Variants in SNX8 observed in about 807,000 individuals in gnomAD.
SNX8 encodes the protein sorting nexin-8.
Under a neutral mutation model 51.6 loss-of-function variants are expected in SNX8, and 25 were observed. That is an observed-to-expected ratio of 0.48 (90% CI 0.35 to 0.68). SNX8 has a LOEUF of 0.68. Among genes scored for constraint, SNX8 ranks in the 30% least tolerant of loss-of-function variants. SNX8 has a pLI of 0.00. For synonymous variants in SNX8, 324 were observed against 277.0 expected (o/e 1.17, Z -1.68); for missense variants, 695 against 624.0 (o/e 1.11, Z -1.21).
At chr7:2,263,745 G>A (rs1042645459) in intron 6 of SNX8, among the ~76,000 whole-genome samples, 6 of 151,598 alleles carry the variant, frequency 4.0e-5, no homozygotes, top group Non-Finnish European at 7.4e-5. Context: ...ACGGAGTCTC[G>A]CTGTATCACC....
chr7:2,272,015 G>A, intron 3 of SNX8, 44 bp from the exon 4 acceptor site: 1 of 1,608,466 alleles, frequency 6.2e-7, no homozygotes, highest in South Asian at 1.1e-5. Context: ...CAGGGCGCCG[G>A]CCCCCATCTT....
chr7:2,345,878 G>A (rs1045267900), intron 1 of SNX8, among the ~76,000 whole-genome samples: 4 of 151,958 alleles, frequency 2.6e-5, no homozygotes, highest in African/African-American at 9.7e-5. Flanking sequence ...CAAGATCTCA[G>A]CTCACTGCAA....
intron 1 of SNX8, among the ~76,000 whole-genome samples, chr7:2,284,618 C>A (rs1481158852): frequency 2.0e-5 from 3 of 151,240 alleles, no homozygotes; most frequent in African/African-American, 4.9e-5. Flanking sequence ...GTTGGCCAGG[C>A]TGGTCTCGAT....
At chr7:2,285,715 G>A (rs1313220860) in intron 1 of SNX8, among the ~76,000 whole-genome samples, 1 of 152,106 alleles carries the variant, frequency 6.6e-6, no homozygotes, top group African/African-American at 2.4e-5. Flanking sequence ...TGCCTAGGCT[G>A]GAATGCAGTG....
At chr7:2,350,692 G>A (rs1779120353) in intron 1 of SNX8, among the ~76,000 whole-genome samples, 1 of 152,070 alleles carries the variant, frequency 6.6e-6, no homozygotes, top group Admixed American at 6.6e-5. Flanking sequence ...TGTCATTTAG[G>A]TTGGAGTGCA....
intron 1 of SNX8, among the ~76,000 whole-genome samples, chr7:2,345,996 C>T (rs766343229): frequency 2.6e-5 from 4 of 151,844 alleles, no homozygotes; most frequent in Non-Finnish European, 5.9e-5. Flanking sequence ...TTAGTAGAGA[C>T]AGGGTTTCAC....
intron 1 of SNX8, among the ~76,000 whole-genome samples, chr7:2,331,757 G>C (rs553196452): frequency 6.6e-6 from 1 of 151,038 alleles, no homozygotes; most frequent in Non-Finnish European, 1.5e-5. Flanking sequence ...TTAAAAAACA[G>C]GAAATACAGA....
intron 1 of SNX8, among the ~76,000 whole-genome samples, chr7:2,353,545 G>C (rs1470057694): frequency 6.6e-6 from 1 of 152,090 alleles, no homozygotes; most frequent in East Asian, 1.9e-4. Flanking sequence ...GCCTCCCAAA[G>C]TACTGGGAAG....
At chr7:2,277,034 G>A (rs996299721) in intron 2 of SNX8, among the ~76,000 whole-genome samples, 6 of 152,260 alleles carry the variant, frequency 3.9e-5, no homozygotes, top group African/African-American at 7.2e-5. Context: ...AGTGCCGTCC[G>A]GCCGGGGCTG....
intron 1 of SNX8, among the ~76,000 whole-genome samples, chr7:2,283,024 G>A (rs369235196): frequency 6.6e-6 from 1 of 151,926 alleles, no homozygotes; most frequent in Admixed American, 6.6e-5. Context: ...GGGAGGCTGA[G>A]GCAGGAGAAT....
chr7:2,338,503 C>T (rs1349751192), intron 1 of SNX8, among the ~76,000 whole-genome samples: 4 of 148,910 alleles, frequency 2.7e-5, no homozygotes, highest in South Asian at 2.1e-4. Flanking sequence ...GGCGTGGTGG[C>T]GCAAGCCTGT....
At chr7:2,291,066 GGA>G (rs1796139867) in intron 1 of SNX8, among the ~76,000 whole-genome samples, 1 of 152,144 alleles carries the variant, frequency 6.6e-6, no homozygotes, top group Non-Finnish European at 1.5e-5. Context: ...GGCTGAGGCT[GGA>G]GAGGATCACT....
At chr7:2,296,726 T>C (rs1796280469) in intron 1 of SNX8, among the ~76,000 whole-genome samples, 1 of 151,544 alleles carries the variant, frequency 6.6e-6, no homozygotes. Context: ...AGGTCAGGAG[T>C]TCGAGACCAG....
chr7:2,353,299 C>G (rs369339936), intron 1 of SNX8, among the ~76,000 whole-genome samples: 1 of 152,046 alleles, frequency 6.6e-6, no homozygotes. Flanking sequence ...TGGGAGGATT[C>G]TCTTGAGGCT....
chr7:2,323,655 T>C (rs1385734564), intron 1 of SNX8, among the ~76,000 whole-genome samples: 2 of 152,154 alleles, frequency 1.3e-5, no homozygotes, highest in Non-Finnish European at 2.9e-5. Context: ...TCACAACGCA[T>C]TGGCCAGGAC....
upstream of SNX8, among the ~76,000 whole-genome samples, chr7:2,318,846 TAAAA>T (rs58345834): frequency 7.6e-6 from 1 of 131,424 alleles, no homozygotes; most frequent in Non-Finnish European, 1.7e-5. Context: ...ACCCCATCTC[TAAAA>T]AAAAAAAAAA....
chr7:2,322,837 T>C (rs1398940459), intron 1 of SNX8, among the ~76,000 whole-genome samples: 2 of 148,994 alleles, frequency 1.3e-5, no homozygotes, highest in Non-Finnish European at 3.0e-5. Context: ...GGCAACATGG[T>C]GAAACCCTGT....
chr7:2,254,890 T>G lies in SNX8; in HGVS notation c.*166A>C, dbSNP rs888987702. 6 of 637,156 alleles carry G rather than the reference T, an allele frequency of 9.4e-6. No individual in the cohort carries two copies. In the Admixed American group the frequency reaches 1.1e-4, roughly 12 times the overall value. The allele number at this position is 637,156 out of a possible 1,614,324, so 39.5% of individuals were successfully genotyped here. On this transcript the variant is annotated 3_prime_UTR_variant, in exon 11 of 11. Coordinates refer to ENST00000222990, the MANE Select transcript of SNX8 (RefSeq NM_013321.4). ...CAGTGTGGCCCAGCTGCCCCCATGG[T>G]CCACGGATGCGCCTCCCGACCCGCA... is the stretch of plus-strand genomic sequence containing the variant.
chr7:2,338,649 T>C (rs1462563193), intron 1 of SNX8, among the ~76,000 whole-genome samples: 2 of 151,906 alleles, frequency 1.3e-5, no homozygotes, highest in Admixed American at 1.3e-4. Flanking sequence ...TAAAAAATAT[T>C]GGGAAGGAAG....
Sources: allele counts gnomAD v4.1 joint callset (sites outside exome capture counted in the v4.1 genomes callset), GRCh38; gene constraint gnomAD v4.1.1; transcripts MANE v1.5; gene names NCBI Gene and HGNC (gene_info 2026-07-23, HGNC 2026-07-21).